Variants in AHRR observed in about 807,000 individuals in gnomAD.
The protein encoded by AHRR is aryl hydrocarbon receptor repressor.
In AHRR, 28 loss-of-function variants were observed where a neutral mutation model predicts 44.0. The ratio of observed to expected loss-of-function variants is 0.64; its 90% confidence interval spans 0.47 to 0.87. AHRR has a LOEUF of 0.87. AHRR is among the 40% of genes least tolerant of loss of function. The probability of loss-of-function intolerance (pLI) is 0.00; values close to 1 mark genes in which losing one functional copy is unlikely to be tolerated. For missense variants in AHRR, 990 were observed against 953.9 expected (o/e 1.04, Z -0.50); for synonymous variants, 434 against 407.0 (o/e 1.07, Z -0.80).
At chr5:373,085 G>A (rs1008228791) in intron 3 of AHRR, among the ~76,000 whole-genome samples, 3 of 152,246 alleles carry the variant, frequency 2.0e-5, no homozygotes, top group African/African-American at 7.2e-5. Flanking sequence ...AGCCGTGGGC[G>A]GACGGCTGGT....
Position 421,172 on chromosome 5 carries a change from G to A in AHRR, c.442-1557G>A, listed in dbSNP as rs1191096579. 4 of 591,732 alleles carry A rather than the reference G, an allele frequency of 6.8e-6. No homozygotes were observed. The Admixed American group carries it at 1.2e-4, about 18-fold the overall frequency. 36.7% of individuals were successfully genotyped at this position (591,732 alleles called of 1,614,324 possible). A position where few individuals can be genotyped will look rare whatever the true frequency, so the allele number is the denominator to read the frequency against. On this transcript the variant is annotated intron_variant, in intron 5 of 10. Transcript: ENST00000684583. ...GCCCCGCCTGGGAGGCCGCTCTGGC[G>A]CCCGGCTGGTGCCGGGCAGGAGGCC...
chr5:331,942 G>A (rs948240970), intron 1 of AHRR, among the ~76,000 whole-genome samples: 4 of 152,152 alleles, frequency 2.6e-5, no homozygotes, highest in African/African-American at 9.7e-5. Context: ...AAAGGTTGGG[G>A]ACCACCACTA....
At chr5:421,693 A>T (rs1382354837) in intron 5 of AHRR, among the ~76,000 whole-genome samples, 2 of 152,118 alleles carry the variant, frequency 1.3e-5, no homozygotes, top group Non-Finnish European at 2.9e-5. Flanking sequence ...ACAGAAGGGA[A>T]CTGCGGAGGC....
At chr5:373,684 G>A (rs367669440) in intron 3 of AHRR, among the ~76,000 whole-genome samples, 3 of 151,834 alleles carry the variant, frequency 2.0e-5, no homozygotes, top group East Asian at 1.9e-4. Flanking sequence ...GGACCCTCAG[G>A]TGGGACCCCC....
Position 326,923 on chromosome 5 carries a change from G to A in AHRR, c.-11+5104G>A, listed in dbSNP as rs1181241804. Reference sequence around the variant, plus strand: ...AAAATACAAAAATTAGCCAGGCGTGGTGGCACGCGCCTGTAGTCCCAGCTA... The same window carrying A: ...AAAATACAAAAATTAGCCAGGCGTGATGGCACGCGCCTGTAGTCCCAGCTA... On this transcript the variant is annotated intron_variant, in intron 1 of 10. Transcript: ENST00000684583. The surrounding 1 kb of genome is among the most constrained non-coding windows in gnomAD (Gnocchi z 4.1). Among the ~76,000 whole-genome samples the A allele has an allele frequency of 2.0e-5, 3 of 152,086 alleles. No homozygotes were observed. The highest frequency in any genetic ancestry group is 7.2e-5 in the African/African-American group (3 of 41,406).
chr5:376,362 T>TC (rs1348640703), intron 3 of AHRR, among the ~76,000 whole-genome samples: 1 of 152,146 alleles, frequency 6.6e-6, no homozygotes, highest in Admixed American at 6.5e-5. Context: ...AGGCTCTGCC[T>TC]CCATGTCCTG....
Position 340,692 on chromosome 5 carries a change from T to A in AHRR, c.-10-3201T>A, listed in dbSNP as rs866980130. Among the ~76,000 whole-genome samples, 119 of 29,080 alleles carry A rather than the reference T, an allele frequency of 4.1e-3. 2 individuals carry two copies. Among genetic ancestry groups the A allele is most frequent in the Middle Eastern group, 0.016 (1 of 62 alleles). The allele number at this position is 29,080 out of a possible 152,430, so 19.1% of individuals were successfully genotyped here. On this transcript the variant is annotated intron_variant, in intron 1 of 10. Transcript: ENST00000684583. ...TATATATATATATATATATATATTT[T>A]TTTTTTTTTTTTTTTTTTTTTGAGT...
chr5:343,415 C>A (rs1579599999), intron 1 of AHRR: 1 of 176,320 alleles, frequency 5.7e-6, no homozygotes, highest in African/African-American at 2.4e-5. Context: ...AACACGGGAC[C>A]CCACATACCT....
chr5:379,221 T>C (rs1733876037), intron 4 of AHRR, among the ~76,000 whole-genome samples: 3 of 152,176 alleles, frequency 2.0e-5, no homozygotes, highest in Non-Finnish European at 2.9e-5. Flanking sequence ...GCTGGTTTCT[T>C]GTTGTTGCTG....
At chr5:392,692 T>C (rs1232817261) in intron 4 of AHRR, among the ~76,000 whole-genome samples, 1 of 152,178 alleles carries the variant, frequency 6.6e-6, no homozygotes, top group African/African-American at 2.4e-5. Flanking sequence ...AGGCTGGTTT[T>C]AGGGACAACG....
intron 4 of AHRR, among the ~76,000 whole-genome samples, chr5:381,122 C>G (rs1024890183): frequency 6.6e-6 from 1 of 152,242 alleles, no homozygotes; most frequent in Admixed American, 6.5e-5. Flanking sequence ...CTTCTTGTGC[C>G]TGTTTTTCCC....
chr5:430,845 G>A (rs1159161765), intron 8 of AHRR, among the ~76,000 whole-genome samples: 1 of 152,328 alleles, frequency 6.6e-6, no homozygotes, highest in Admixed American at 6.5e-5. Context: ...ATCTCTGGAA[G>A]GTTTTAAATT....
At position 404,244 on chromosome 5, in the gene AHRR, G is replaced by T. The variant is rs1735159739; in HGVS notation, c.352-9100G>T. ...CTCATCCATGAGTCTAATCACATCT[G>T]CTCCATGCATGTTCCCAAATCATTG... On this transcript the variant is annotated intron_variant, in intron 4 of 10. Transcript: ENST00000684583. The surrounding 1 kb of genome is among the most constrained non-coding windows in gnomAD (Gnocchi z 4.1). The T allele has an allele frequency of 1.9e-6, 1 of 513,556 alleles. No individual in the cohort carries two copies. The highest frequency in any genetic ancestry group is 2.2e-5 in the Admixed American group (1 of 45,488). 31.8% of individuals were successfully genotyped at this position (513,556 alleles called of 1,614,324 possible).
At position 427,965 on chromosome 5, in the gene AHRR, G is replaced by A. The variant is rs1736541617; in HGVS notation, c.867G>A (p.Arg289=). 1.2e-6 allele frequency: 2 copies of A among 1,613,886 alleles called. No homozygotes were observed. Among genetic ancestry groups the A allele is most frequent in the Non-Finnish European group, 1.7e-6 (2 of 1,180,040 alleles). Reference sequence around the variant, plus strand: ...TGAAAATGAGGAGCGCGCTCCTGAGGGCAAAACCCAGAGCAGACACCGCAG... The same window carrying A: ...TGAAAATGAGGAGCGCGCTCCTGAGAGCAAAACCCAGAGCAGACACCGCAG... The part of the protein sequence containing the change: ...AEMKMRSALL[R]AKPRADTAAT... The change falls in exon 8 of 11, where the codon AGG becomes AGA. Residue 289 remains arginine, a synonymous_variant. Transcript: ENST00000684583.
chr5:380,467 G>T lies in AHRR; in HGVS notation c.351+3751G>T, dbSNP rs1733934536. Among the ~76,000 whole-genome samples, 3 of 152,092 alleles carry T rather than the reference G, an allele frequency of 2.0e-5. No individual in the cohort carries two copies. In the South Asian group the frequency reaches 6.2e-4, roughly 32 times the overall value. On this transcript the variant is annotated intron_variant, in intron 4 of 10. Transcript: ENST00000684583. ...CTGACTCTCCCAATCCATGAACATG[G>T]TATGTGTCTCTATTTAGGTTTTCTT... is the stretch of plus-strand genomic sequence containing the variant.
intron 1 of AHRR, among the ~76,000 whole-genome samples, chr5:327,320 A>G (rs553320543): frequency 9.9e-5 from 15 of 152,164 alleles, no homozygotes; most frequent in Non-Finnish European, 1.9e-4. Flanking sequence ...TAGGGCGCCC[A>G]TTACCCAAAT....
At chr5:328,332 A>G (rs529591532) in intron 1 of AHRR, among the ~76,000 whole-genome samples, 1 of 131,266 alleles carries the variant, frequency 7.6e-6, no homozygotes, top group African/African-American at 2.9e-5. Flanking sequence ...CAGTGGTGCA[A>G]TCTCAGCTCA....
At chr5:340,188 G>A (rs936386756) in intron 1 of AHRR, among the ~76,000 whole-genome samples, 1 of 152,192 alleles carries the variant, frequency 6.6e-6, no homozygotes, top group African/African-American at 2.4e-5. Flanking sequence ...TGTTGGAATA[G>A]ATATAGAGCT....
chr5:355,081 G>T (rs1302115281), intron 3 of AHRR, among the ~76,000 whole-genome samples: 1 of 152,230 alleles, frequency 6.6e-6, no homozygotes, highest in East Asian at 1.9e-4. Context: ...TACATTCCAG[G>T]TTTTCTAATT....
Sources: allele counts gnomAD v4.1 joint callset (sites outside exome capture counted in the v4.1 genomes callset), GRCh38; gene constraint gnomAD v4.1.1; non-coding constraint Gnocchi (gnomAD v3.1); transcripts MANE v1.5; gene names NCBI Gene and HGNC (gene_info 2026-07-23, HGNC 2026-07-21).